Variants in KLF12 observed in about 807,000 individuals in gnomAD.
KLF12 encodes KLF transcription factor 12.
In KLF12, 9 loss-of-function variants were observed where a neutral mutation model predicts 37.8. The observed-to-expected ratio is 0.24, with a 90% CI of 0.14 to 0.42. The LOEUF (loss-of-function observed/expected upper bound fraction) is 0.42, where lower values mean the gene tolerates loss of function less well. KLF12 is among the 10% of genes least tolerant of loss of function. The pLI is 1.00. For synonymous variants in KLF12, 208 were observed against 202.1 expected, an observed-to-expected ratio of 1.03 and a Z score of -0.25; for missense variants, 411 against 516.0, an observed-to-expected ratio of 0.80 and a Z score of 1.97.
intron 1 of KLF12, among the ~76,000 whole-genome samples, chr13:74,118,939 A>T (rs1877466277): frequency 6.6e-6 from 1 of 152,212 alleles, no homozygotes; most frequent in Non-Finnish European, 1.5e-5. Flanking sequence ...AAAAAGAAAC[A>T]AATAAAAGGA....
intron 2 of KLF12, among the ~76,000 whole-genome samples, chr13:73,992,266 T>G (rs1886513): frequency 0.67 from 101,962 of 152,106 alleles, 35,597 homozygotes; most frequent in East Asian, 0.83. Context: ...TGAAATACGC[T>G]GAAGTGTGTA....
At chr13:73,969,416 C>T (rs975893688) in intron 2 of KLF12, among the ~76,000 whole-genome samples, 4 of 152,202 alleles carry the variant, frequency 2.6e-5, no homozygotes, top group African/African-American at 9.7e-5. Context: ...TTCTCTACTG[C>T]CTTCAACAGT....
At chr13:73,778,185 A>C (rs1051092813) in intron 5 of KLF12, among the ~76,000 whole-genome samples, 3 of 152,126 alleles carry the variant, frequency 2.0e-5, no homozygotes, top group Non-Finnish European at 4.4e-5. Flanking sequence ...TTTGTATGTT[A>C]AGTCAAAGGA....
At chr13:74,245,213 C>T in the KLF12 span, among the ~76,000 whole-genome samples, 1 of 152,048 alleles carries the variant, frequency 6.6e-6, no homozygotes, top group Non-Finnish European at 1.5e-5. Context: ...TGAACATGAA[C>T]GTTTGTGATG....
chr13:73,921,988 T>C (rs993344532), intron 3 of KLF12, among the ~76,000 whole-genome samples: 3 of 152,136 alleles, frequency 2.0e-5, no homozygotes, highest in Non-Finnish European at 4.4e-5. Flanking sequence ...ATTAGCATTA[T>C]GTTTTTTAAT....
chr13:74,199,848 C>A, the KLF12 span, among the ~76,000 whole-genome samples: 4 of 152,014 alleles, frequency 2.6e-5, no homozygotes, highest in Non-Finnish European at 4.4e-5. Flanking sequence ...GGTGATCTGT[C>A]CCTGAACTCT....
intron 5 of KLF12, among the ~76,000 whole-genome samples, chr13:73,804,444 T>C (rs1566379209): frequency 6.6e-6 from 1 of 152,154 alleles, no homozygotes. Flanking sequence ...TTTTTTTTAA[T>C]TGAAGAGGGA....
At chr13:74,261,833 G>T in the KLF12 span, among the ~76,000 whole-genome samples, 1 of 152,190 alleles carries the variant, frequency 6.6e-6, no homozygotes, top group Non-Finnish European at 1.5e-5. Flanking sequence ...CGTGTGTGTG[G>T]TAGTACACTG....
chr13:73,753,413 G>T (rs1487412069), intron 6 of KLF12, among the ~76,000 whole-genome samples: 1 of 152,076 alleles, frequency 6.6e-6, no homozygotes, highest in Non-Finnish European at 1.5e-5. Context: ...AAACCCCTTG[G>T]ATTGCTTTCT....
At chr13:74,213,591 C>T in the KLF12 span, among the ~76,000 whole-genome samples, 1 of 150,480 alleles carries the variant, frequency 6.6e-6, no homozygotes, top group African/African-American at 2.4e-5. Context: ...TTCCTCCCTC[C>T]CTCCTTCCCT....
At chr13:74,295,561 T>C in the KLF12 span, among the ~76,000 whole-genome samples, 1 of 152,310 alleles carries the variant, frequency 6.6e-6, no homozygotes, top group East Asian at 1.9e-4. Flanking sequence ...TTGTTATGAT[T>C]TGTGCTCATG....
chr13:74,122,729 G>GA (rs544214136), intron 1 of KLF12, among the ~76,000 whole-genome samples: 103 of 152,110 alleles, frequency 6.8e-4, no homozygotes, highest in Non-Finnish European at 1.1e-3. Context: ...TAGCAGCTGA[G>GA]AAGGATTTCT....
chr13:74,029,364 T>C lies in KLF12; in HGVS notation c.-31-34311A>G, dbSNP rs565878061. Among the ~76,000 whole-genome samples the C allele has an allele frequency of 2.6e-5, 4 of 152,276 alleles. No individual in the cohort carries two copies. In the South Asian group the frequency reaches 8.3e-4, roughly 32 times the overall value. The stretch of plus-strand genomic sequence containing the variant: ...ATATGTCAAGAAAATTTCACCATGA[T>C]TGGTCAACTACTTAGTTTTCAACGT... On this transcript the variant is annotated intron_variant, in intron 1 of 7. Coordinates refer to ENST00000377669, the MANE Select transcript of KLF12 (RefSeq NM_007249.5).
At chr13:73,876,152 T>TAAA (rs66733197) in intron 3 of KLF12, among the ~76,000 whole-genome samples, 1 of 120,146 alleles carries the variant, frequency 8.3e-6, no homozygotes, top group Non-Finnish European at 1.8e-5. Flanking sequence ...TCAGCTAAAA[T>TAAA]AAAAAAAAAA....
intron 7 of KLF12, among the ~76,000 whole-genome samples, chr13:73,705,855 G>A (rs1294210048): frequency 1.3e-5 from 2 of 152,056 alleles, no homozygotes; most frequent in Non-Finnish European, 2.9e-5. Flanking sequence ...ACAAAGACAC[G>A]ATAAAGATCC....
intron 1 of KLF12, among the ~76,000 whole-genome samples, chr13:74,083,541 A>ACACAC (rs1566204110): frequency 6.4e-5 from 8 of 124,938 alleles, no homozygotes; most frequent in African/African-American, 2.6e-4. Context: ...CACACACACA[A>ACACAC]ACATTTAATA....
At chr13:73,726,802 C>T (rs192247041) in intron 6 of KLF12, among the ~76,000 whole-genome samples, 8 of 152,276 alleles carry the variant, frequency 5.3e-5, no homozygotes, top group Admixed American at 3.3e-4. Flanking sequence ...TGGTTACATA[C>T]CTAAGAGTAG....
the KLF12 span, among the ~76,000 whole-genome samples, chr13:74,207,077 A>G: frequency 9.9e-5 from 15 of 152,200 alleles, no homozygotes; most frequent in Non-Finnish European, 1.8e-4. Flanking sequence ...CTGTTATGTC[A>G]TCTCATAGTG....
chr13:74,183,744 T>C, the KLF12 span, among the ~76,000 whole-genome samples: 17 of 152,116 alleles, frequency 1.1e-4, no homozygotes, highest in East Asian at 5.8e-4. Context: ...GAGACCAGCC[T>C]GGCCAATATA....
Sources: gnomAD v4.1 joint callset for allele counts (sites outside exome capture counted in the v4.1 genomes callset) on GRCh38, gnomAD v4.1.1 for gene constraint, MANE v1.5 for transcripts, NCBI Gene and HGNC (gene_info 2026-07-23, HGNC 2026-07-21) for gene names.